Variants in MAPK10 observed in about 807,000 individuals in gnomAD.
MAPK10 encodes the protein JNK3 alpha protein kinase.
MAPK10 carries 25 observed loss-of-function variants against 59.3 expected under a neutral mutation model. The observed-to-expected ratio is 0.42, with a 90% confidence interval of 0.31 to 0.59. MAPK10 has a LOEUF of 0.59. Among genes scored for constraint, MAPK10 ranks in the 20% least tolerant of loss-of-function variants. The probability of loss-of-function intolerance (pLI) is 0.15; values close to 1 mark genes in which losing one functional copy is unlikely to be tolerated. For missense variants in MAPK10, 351 were observed against 568.9 expected (o/e 0.62, Z 3.90); for synonymous variants, 190 against 200.5 (o/e 0.95, Z 0.44).
intron 1 of MAPK10, among the ~76,000 whole-genome samples, chr4:86,530,986 T>C (rs1757810775): frequency 6.6e-6 from 1 of 152,196 alleles, no homozygotes; most frequent in South Asian, 2.1e-4. Context: ...TGATGAGATC[T>C]GGACCATGCA....
chr4:86,472,265 A>G (rs1292295756), intron 1 of MAPK10, among the ~76,000 whole-genome samples: 2 of 152,242 alleles, frequency 1.3e-5, no homozygotes, highest in Admixed American at 1.3e-4. Flanking sequence ...ACTTTCCTAC[A>G]AAGTTTTTAA....
intron 2 of MAPK10, among the ~76,000 whole-genome samples, chr4:86,261,032 A>G (rs2148740417): frequency 6.6e-6 from 1 of 152,308 alleles, no homozygotes; most frequent in African/African-American, 2.4e-5. Flanking sequence ...AAGGAGAAGC[A>G]ATTAACCTTT....
At chr4:86,538,015 G>C (rs1429911514) in intron 1 of MAPK10, among the ~76,000 whole-genome samples, 1 of 152,100 alleles carries the variant, frequency 6.6e-6, no homozygotes, top group Admixed American at 6.5e-5. Flanking sequence ...GGTGTAGTAA[G>C]ATAATTCCTC....
upstream of MAPK10, among the ~76,000 whole-genome samples, chr4:86,456,892 G>C (rs943624478): frequency 2.6e-5 from 4 of 152,068 alleles, no homozygotes; most frequent in African/African-American, 9.7e-5. Flanking sequence ...GATGAACATA[G>C]ATGCTAAAAT....
chr4:86,591,631 C>A (rs1220772321), intron 1 of MAPK10, among the ~76,000 whole-genome samples: 1 of 152,162 alleles, frequency 6.6e-6, no homozygotes, highest in Non-Finnish European at 1.5e-5. Context: ...ACTTCAGCCT[C>A]CCAGAGTGTT....
At position 86,303,992 on chromosome 4, in the gene MAPK10, C is replaced by G. The variant is rs368909732; in HGVS notation, c.-7+50538G>C. On this transcript the variant is annotated intron_variant, in intron 2 of 13. Transcript: ENST00000641462. ...TCCCCACAGGATCTTCTAGATAGCA[C>G]CCAGTGGTCTCTTTAGTCCATTTCC... Among the ~76,000 whole-genome samples the G allele has an allele frequency of 2.6e-5, 4 of 152,262 alleles. No individual in the cohort carries two copies. The East Asian group carries it at 5.8e-4, about 22-fold the overall frequency.
intron 2 of MAPK10, among the ~76,000 whole-genome samples, chr4:86,204,542 G>T (rs78970521): frequency 0.085 from 12,904 of 151,982 alleles, 1,212 homozygotes; most frequent in African/African-American, 0.23. Flanking sequence ...AGTAATATGG[G>T]AAGCATAGAC....
intron 4 of MAPK10, among the ~76,000 whole-genome samples, chr4:86,148,149 A>G (rs2065462662): frequency 6.6e-6 from 1 of 152,216 alleles, no homozygotes; most frequent in Non-Finnish European, 1.5e-5. Context: ...AAATATAAAG[A>G]GTTCCAAAAG....
At chr4:86,220,362 A>AG (rs2089201573) in intron 2 of MAPK10, among the ~76,000 whole-genome samples, 1 of 152,140 alleles carries the variant, frequency 6.6e-6, no homozygotes, top group South Asian at 2.1e-4. Context: ...AAAAAAAATG[A>AG]GGTTGACAAT....
intron 2 of MAPK10, among the ~76,000 whole-genome samples, chr4:86,262,679 T>G (rs1483743966): frequency 6.6e-6 from 1 of 152,172 alleles, no homozygotes; most frequent in African/African-American, 2.4e-5. Flanking sequence ...GAATGAATGA[T>G]TCTAACCAAT....
At chr4:86,066,019 C>T (rs1456892001) in intron 10 of MAPK10, among the ~76,000 whole-genome samples, 1 of 152,062 alleles carries the variant, frequency 6.6e-6, no homozygotes, top group Non-Finnish European at 1.5e-5. Context: ...TTTTCTAGTG[C>T]CGTTCATGTA....
intron 4 of MAPK10, among the ~76,000 whole-genome samples, chr4:86,135,864 A>C (rs993445915): frequency 3.3e-5 from 5 of 152,228 alleles, no homozygotes; most frequent in African/African-American, 1.2e-4. Context: ...CTGAAAACCA[A>C]GGCTCGAGAA....
rs2047035372 is a variant in MAPK10 at position 86,067,795 on chromosome 4, G to C, written c.963C>G (p.Asp321Glu). ...TACCTTTGAGTTTATTGTGCTCGGA[G>C]TCCGCTGGGAAGAGGGAATCTGGGA... The part of the protein sequence containing the change: ...KLFPDSLFPA[D>E]SEHNKLKASQ... Residue 321 changes from aspartate (D) to glutamate (E), a missense_variant, in exon 10 of 14, where the codon GAC becomes GAG. Around this residue, in one of 5 missense-constraint regions of MAPK10, gnomAD observed 155 missense variants for 204.2 expected, o/e 0.76. Transcript: ENST00000641462. The C allele has an allele frequency of 6.2e-7, 1 of 1,612,748 alleles. No homozygotes were observed. Among genetic ancestry groups the C allele is most frequent in the African/African-American group, 1.3e-5 (1 of 74,870 alleles).
chr4:86,358,968 T>C (rs1479037205), intron 1 of MAPK10: 1 of 152,250 alleles, frequency 6.6e-6, no homozygotes, highest in East Asian at 1.9e-4. Flanking sequence ...GCAGTGCCAA[T>C]GTTTCCTCTT....
At chr4:86,256,884 GCGCCCGCC>G (rs2093756649) in intron 2 of MAPK10, among the ~76,000 whole-genome samples, 1 of 149,758 alleles carries the variant, frequency 6.7e-6, no homozygotes, top group South Asian at 2.1e-4. Flanking sequence ...GGGACTACAG[GCGCCCGCC>G]ATTGCGCCCG....
chr4:86,279,465 C>G (rs2094711922), intron 2 of MAPK10, among the ~76,000 whole-genome samples: 1 of 152,026 alleles, frequency 6.6e-6, no homozygotes. Context: ...CTTTATGGTA[C>G]AAACAGGAAG....
At chr4:86,043,938 C>T (rs2042053683) in intron 11 of MAPK10, among the ~76,000 whole-genome samples, 1 of 152,146 alleles carries the variant, frequency 6.6e-6, no homozygotes, top group Admixed American at 6.6e-5. Flanking sequence ...CATATTTAAA[C>T]CCAAATCTAA....
chr4:86,240,146 A>T (rs1468867375), intron 2 of MAPK10, among the ~76,000 whole-genome samples: 1 of 152,098 alleles, frequency 6.6e-6, no homozygotes, highest in Non-Finnish European at 1.5e-5. Context: ...ATTTCCATGA[A>T]ATTGTGTGGT....
upstream of MAPK10, among the ~76,000 whole-genome samples, chr4:86,456,504 G>A (rs1421740378): frequency 6.6e-6 from 1 of 151,954 alleles, no homozygotes; most frequent in African/African-American, 2.4e-5. Context: ...AAATACAAAA[G>A]ATCATTCAAG....
Sources: gnomAD v4.1 joint callset for allele counts (sites outside exome capture counted in the v4.1 genomes callset) on GRCh38, gnomAD v4.1.1 for gene constraint, gnomAD v4.1.1 regional missense constraint, MANE v1.5 for transcripts, NCBI Gene and HGNC (gene_info 2026-07-23, HGNC 2026-07-21) for gene names.